TRDN: variants seen among roughly 807,000 people sequenced by gnomAD.
TRDN encodes the protein triadin, also known as triadin in skeletal muscle.
A neutral mutation model predicts 149.7 loss-of-function variants in TRDN; 161 were observed. That is an observed-to-expected ratio of 1.08 (90% CI 0.95 to 1.23). The LOEUF (loss-of-function observed/expected upper bound fraction) is 1.23. Among genes scored for constraint, TRDN ranks in the 50% most tolerant of loss-of-function variants. The pLI is 0.00. For missense variants in TRDN, 896 were observed against 823.5 expected (o/e 1.09, Z -1.08); for synonymous variants, 294 against 250.5 (o/e 1.17, Z -1.64).
intron 14 of TRDN, among the ~76,000 whole-genome samples, chr6:123,382,639 A>G (rs2043149): frequency 0.89 from 135,081 of 151,896 alleles, 60,268 homozygotes; most frequent in East Asian, 0.99. Flanking sequence ...AGATATTCAG[A>G]CATTCTTATG....
intron 12 of TRDN, among the ~76,000 whole-genome samples, chr6:123,414,279 A>T (rs562810476): frequency 6.6e-6 from 1 of 152,232 alleles, no homozygotes; most frequent in Admixed American, 6.5e-5. Context: ...AAAATTCTAG[A>T]AACCACTGAA....
intron 19 of TRDN, among the ~76,000 whole-genome samples, chr6:123,369,168 C>T (rs1053492059): frequency 3.9e-5 from 6 of 152,082 alleles, no homozygotes; most frequent in African/African-American, 1.2e-4. Flanking sequence ...CTTGAAGCTG[C>T]GTTGCTGCAA....
chr6:123,316,983 A>T (rs1467726090), intron 23 of TRDN, among the ~76,000 whole-genome samples: 1 of 151,756 alleles, frequency 6.6e-6, no homozygotes, highest in African/African-American at 2.4e-5. Flanking sequence ...CAATTTTATA[A>T]AATAAATCAA....
At chr6:123,498,827 G>A (rs935625699) in intron 8 of TRDN, among the ~76,000 whole-genome samples, 4 of 152,110 alleles carry the variant, frequency 2.6e-5, no homozygotes, top group South Asian at 4.1e-4. Context: ...TTCTGAAATC[G>A]GCAGTATGTT....
rs528069935 is a variant in TRDN at position 123,432,301 on chromosome 6, C to T, written c.1051+5762G>A. Among the ~76,000 whole-genome samples, 20 of 152,168 alleles carry T rather than the reference C, an allele frequency of 1.3e-4. No homozygotes were observed. The South Asian group carries it at 3.7e-3, about 28-fold the overall frequency. On this transcript the variant is annotated intron_variant, in intron 12 of 40. Coordinates refer to ENST00000334268, the MANE Select transcript of TRDN (RefSeq NM_006073.4). ...TATTATTGGAGTTTTAGTTTTATCA[C>T]CAGAGCCACCTAATCATATATTGTA...
chr6:123,583,469 G>A (rs1439800908), intron 1 of TRDN, among the ~76,000 whole-genome samples: 1 of 151,910 alleles, frequency 6.6e-6, no homozygotes, highest in Non-Finnish European at 1.5e-5. Flanking sequence ...TCCTTTTTAA[G>A]TTGGTGGCTG....
At chr6:123,378,005 A>C (rs1562285027) in intron 16 of TRDN, 107 bp from the exon 17 acceptor site, 3 of 708,444 alleles carry the variant, frequency 4.2e-6, no homozygotes, top group Non-Finnish European at 6.7e-6. Flanking sequence ...CTGATGCCAG[A>C]TTGCAGCAAC....
intron 26 of TRDN, among the ~76,000 whole-genome samples, chr6:123,277,546 T>C (rs1232743344): frequency 6.6e-6 from 1 of 152,064 alleles, no homozygotes; most frequent in Admixed American, 6.6e-5. Context: ...CTGGTGTACT[T>C]ATTAGAGGAG....
intron 4 of TRDN, among the ~76,000 whole-genome samples, chr6:123,532,542 C>T (rs904150071): frequency 5.9e-5 from 9 of 151,990 alleles, no homozygotes; most frequent in Admixed American, 4.6e-4. Flanking sequence ...TTGACAGCTT[C>T]TAGGCTCAAC....
chr6:123,300,913 A>C (rs1778374520), intron 24 of TRDN, among the ~76,000 whole-genome samples: 1 of 151,914 alleles, frequency 6.6e-6, no homozygotes, highest in African/African-American at 2.4e-5. Flanking sequence ...CTTTTAACGA[A>C]TTAAGAAACA....
intron 24 of TRDN, among the ~76,000 whole-genome samples, chr6:123,282,342 T>C (rs1777613866): frequency 6.6e-6 from 1 of 151,980 alleles, no homozygotes; most frequent in African/African-American, 2.4e-5. Flanking sequence ...TTGTACATAA[T>C]CTGTTTTATA....
intron 24 of TRDN, among the ~76,000 whole-genome samples, chr6:123,301,147 C>T (rs947169932): frequency 7.9e-5 from 12 of 151,920 alleles, no homozygotes; most frequent in Non-Finnish European, 1.3e-4. Flanking sequence ...TTCAAAATAG[C>T]GCACAATTTC....
chr6:123,239,519 A>G (rs1465406113), intron 38 of TRDN, among the ~76,000 whole-genome samples: 1 of 152,146 alleles, frequency 6.6e-6, no homozygotes, highest in East Asian at 1.9e-4. Flanking sequence ...TAAACACTGA[A>G]CACATTTCAA....
chr6:123,487,750 T>G (rs1353311082), intron 9 of TRDN, among the ~76,000 whole-genome samples: 1 of 152,102 alleles, frequency 6.6e-6, no homozygotes, highest in Non-Finnish European at 1.5e-5. Context: ...CACATCAATT[T>G]CACATGCACT....
At chr6:123,350,735 G>T (rs1406242152) in intron 21 of TRDN, 1 of 891,256 alleles carries the variant, frequency 1.1e-6, no homozygotes, top group Non-Finnish European at 1.3e-6. Flanking sequence ...AAAAATATGA[G>T]GCCATTGTCA....
chr6:123,292,990 G>A (rs1778065736), intron 24 of TRDN, among the ~76,000 whole-genome samples: 1 of 152,126 alleles, frequency 6.6e-6, no homozygotes, highest in Non-Finnish European at 1.5e-5. Context: ...GAATCACGAT[G>A]TCACTGTTCA....
chr6:123,447,647 T>C (rs958607025), intron 10 of TRDN, among the ~76,000 whole-genome samples: 2 of 152,058 alleles, frequency 1.3e-5, no homozygotes, highest in African/African-American at 4.8e-5. Flanking sequence ...ATGAAATAAA[T>C]GTTGTAAAGG....
intron 1 of TRDN, among the ~76,000 whole-genome samples, chr6:123,620,126 T>C (rs1454631296): frequency 6.6e-6 from 1 of 152,214 alleles, no homozygotes; most frequent in African/African-American, 2.4e-5. Flanking sequence ...TACTACATGA[T>C]TGATTTGGAT....
At chr6:123,635,836 A>G (rs372049522) in intron 1 of TRDN, among the ~76,000 whole-genome samples, 153 of 152,112 alleles carry the variant, frequency 1.0e-3, no homozygotes, top group African/African-American at 3.5e-3. Context: ...AACTAGAACC[A>G]GACTGTGTCT....
Sources: allele counts gnomAD v4.1 joint callset (sites outside exome capture counted in the v4.1 genomes callset), GRCh38; gene constraint gnomAD v4.1.1; transcripts MANE v1.5; gene names NCBI Gene and HGNC (gene_info 2026-07-23, HGNC 2026-07-21).